TMC5: variants seen among roughly 807,000 people sequenced by gnomAD.
TMC5 encodes the protein transmembrane channel-like protein 5.
Under a neutral mutation model 110.5 loss-of-function variants are expected in TMC5, and 86 were observed. That is an observed-to-expected ratio of 0.78 (90% CI 0.65 to 0.93). The LOEUF (loss-of-function observed/expected upper bound fraction) is 0.93. Among genes scored for constraint, TMC5 ranks in the 40% least tolerant of loss-of-function variants. The pLI, the probability that TMC5 is intolerant of heterozygous loss-of-function variation, is 0.00. For synonymous variants in TMC5, 455 were observed against 439.5 expected (o/e 1.04, Z -0.44); for missense variants, 1,144 against 1,222.8 (o/e 0.94, Z 0.96).
At chr16:19,460,668 G>T (rs1343692095) in intron 6 of TMC5, among the ~76,000 whole-genome samples, 1 of 152,162 alleles carries the variant, frequency 6.6e-6, no homozygotes, top group Non-Finnish European at 1.5e-5. Flanking sequence ...GATAAGTCAT[G>T]TGATGGGGGA....
chr16:19,432,554 C>T (rs1452138830), intron 2 of TMC5, among the ~76,000 whole-genome samples: 3 of 152,186 alleles, frequency 2.0e-5, no homozygotes, highest in Non-Finnish European at 4.4e-5. Flanking sequence ...CTCAGAAGGC[C>T]ACTCCCACTT....
chr16:19,423,027 G>A (rs188911104), intron 1 of TMC5, among the ~76,000 whole-genome samples: 2 of 152,308 alleles, frequency 1.3e-5, no homozygotes, highest in Non-Finnish European at 2.9e-5. Context: ...ACGAGGCTGA[G>A]GCAGGAGGAT....
intron 4 of TMC5, among the ~76,000 whole-genome samples, chr16:19,445,509 T>G (rs1967594076): frequency 1.3e-5 from 2 of 152,052 alleles, no homozygotes; most frequent in Admixed American, 1.3e-4. Context: ...CCCAAAGTGC[T>G]GGGATTACAG....
At chr16:19,416,010 A>G (rs566174397), upstream of TMC5, among the ~76,000 whole-genome samples, 3 of 152,246 alleles carry the variant, frequency 2.0e-5, no homozygotes, top group African/African-American at 7.2e-5. Context: ...GAGAGACCCC[A>G]TATCTATAAA....
chr16:19,441,253 G>A (rs1349803100), intron 3 of TMC5, among the ~76,000 whole-genome samples: 1 of 150,920 alleles, frequency 6.6e-6, no homozygotes, highest in African/African-American at 2.4e-5. Context: ...CCGTGAAGTC[G>A]ATTAGTTTTT....
At chr16:19,466,864 G>C (rs977793371) in intron 9 of TMC5, among the ~76,000 whole-genome samples, 1 of 152,166 alleles carries the variant, frequency 6.6e-6, no homozygotes. Context: ...ACATATGAAA[G>C]GCTGGGCACG....
chr16:19,447,215 A>G lies in TMC5; in HGVS notation c.959-2327A>G, dbSNP rs931803665. On this transcript the variant is annotated intron_variant, in intron 4 of 21. Transcript: ENST00000542583. Reference sequence around the variant, plus strand: ...TGCTTGGCTCTACGTCATGGGTTCTATTTAGTTCTAGTGTCCCTCTTCTTG... The same window carrying G: ...TGCTTGGCTCTACGTCATGGGTTCTGTTTAGTTCTAGTGTCCCTCTTCTTG... Among the ~76,000 whole-genome samples the G allele has an allele frequency of 4.8e-4, 73 of 152,004 alleles. 2 individuals are homozygous for G. Among genetic ancestry groups the G allele is most frequent in the Non-Finnish European group, 1.3e-4 (9 of 68,014 alleles).
intron 3 of TMC5, among the ~76,000 whole-genome samples, chr16:19,441,881 A>G (rs899669216): frequency 6.6e-6 from 1 of 151,970 alleles, no homozygotes; most frequent in African/African-American, 2.4e-5. Flanking sequence ...ACAGCTCACC[A>G]CAGCCTCTGC....
chr16:19,468,050 C>T (rs8057205), intron 9 of TMC5, among the ~76,000 whole-genome samples: 131,095 of 152,030 alleles, frequency 0.86, 56,761 homozygotes, highest in South Asian at 0.93. Flanking sequence ...TCTTGGCTCA[C>T]TGCAACCTCC....
intron 3 of TMC5, among the ~76,000 whole-genome samples, chr16:19,442,604 C>G (rs941566556): frequency 6.6e-6 from 1 of 152,200 alleles, no homozygotes; most frequent in African/African-American, 2.4e-5. Flanking sequence ...GCTGGGATTA[C>G]AGGCATGAGC....
At chr16:19,445,804 A>G (rs1385885692) in intron 4 of TMC5, among the ~76,000 whole-genome samples, 2 of 152,064 alleles carry the variant, frequency 1.3e-5, no homozygotes, top group African/African-American at 4.8e-5. Context: ...ATAGCCATGT[A>G]CTAATGAAAA....
rs765935475 is a variant in TMC5, at chr16:19,443,932, CATGG to C, written c.789-126_789-123del. 2,760 of 717,946 alleles carry C rather than the reference CATGG, an allele frequency of 3.8e-3. 13 individuals carry two copies. The highest frequency in any genetic ancestry group is 0.016 in the African/African-American group (842 of 52,958). The allele number at this position is 717,946 out of a possible 1,614,324, so 44.5% of individuals were successfully genotyped here. Reference sequence around the variant, plus strand: ...AAATACATGATTGAATGGATGGATACATGGATGGATGGATGGATGGATGGATAAA... The same window carrying C: ...AAATACATGATTGAATGGATGGATACATGGATGGATGGATGGATGGATAAA... On this transcript the variant is annotated intron_variant, in intron 3 of 21. Coordinates refer to ENST00000542583, the MANE Select transcript of TMC5 (RefSeq NM_001261841.2).
intron 15 of TMC5, among the ~76,000 whole-genome samples, chr16:19,486,540 C>T (rs1968745638): frequency 6.6e-6 from 1 of 152,134 alleles, no homozygotes; most frequent in South Asian, 2.1e-4. Context: ...TCATGCCTGG[C>T]TAATTTTTGT....
intron 15 of TMC5, 91 bp from the exon 16 acceptor site, chr16:19,486,854 A>C: frequency 1.8e-6 from 2 of 1,141,352 alleles, no homozygotes; most frequent in Non-Finnish European, 2.6e-6. Flanking sequence ...AGGCCACAAT[A>C]TCTTCTTTCT....
intron 2 of TMC5, among the ~76,000 whole-genome samples, chr16:19,436,064 C>T (rs148711003): frequency 0.034 from 5,227 of 151,916 alleles, 298 homozygotes; most frequent in African/African-American, 0.12. Flanking sequence ...GAGTTCGAGA[C>T]CAGTCTGGCC....
intron 5 of TMC5, among the ~76,000 whole-genome samples, chr16:19,451,809 A>G (rs1738622573): frequency 6.6e-6 from 1 of 151,720 alleles, no homozygotes; most frequent in African/African-American, 2.4e-5. Flanking sequence ...TTTTATTATT[A>G]TTATTATTTT....
intron 4 of TMC5, 31 bp from the exon 5 acceptor site, chr16:19,449,511 A>G: frequency 6.3e-7 from 1 of 1,577,986 alleles, no homozygotes; most frequent in Non-Finnish European, 8.7e-7. Flanking sequence ...GGTGAGACTA[A>G]TCGGCAATAT....
At chr16:19,436,475 G>T (rs776166449) in intron 2 of TMC5, among the ~76,000 whole-genome samples, 2 of 152,098 alleles carry the variant, frequency 1.3e-5, no homozygotes, top group Non-Finnish European at 2.9e-5. Context: ...GAGCATAAAT[G>T]TAACTTTCTA....
chr16:19,449,677 C>T, intron 5 of TMC5, 46 bp downstream of exon 5: 1 of 1,541,550 alleles, frequency 6.5e-7, no homozygotes, highest in Non-Finnish European at 9.0e-7. Flanking sequence ...ACTCTCATTT[C>T]AAATTGTAAT....
Sources: gnomAD v4.1 joint callset for allele counts (sites outside exome capture counted in the v4.1 genomes callset) on GRCh38, gnomAD v4.1.1 for gene constraint, MANE v1.5 for transcripts, NCBI Gene and HGNC (gene_info 2026-07-23, HGNC 2026-07-21) for gene names.